Variants in RBM26 observed in about 807,000 individuals in gnomAD.
RBM26 encodes RNA-binding protein 26.
RBM26 carries 30 observed loss-of-function variants against 123.6 expected under a neutral mutation model. The ratio of observed to expected loss-of-function variants is 0.24; its 90% confidence interval spans 0.18 to 0.33. The LOEUF is 0.33. Among genes scored for constraint, RBM26 ranks in the 10% least tolerant of loss-of-function variants. The probability of loss-of-function intolerance (pLI) is 1.00; values close to 1 mark genes in which losing one functional copy is unlikely to be tolerated. For synonymous variants in RBM26, 400 were observed against 404.4 expected, an observed-to-expected ratio of 0.99 and a Z score of 0.13; for missense variants, 947 against 1,203.6, an observed-to-expected ratio of 0.79 and a Z score of 3.15.
intron 14 of RBM26, among the ~76,000 whole-genome samples, chr13:79,350,985 T>C (rs2073131615): frequency 6.6e-6 from 1 of 152,216 alleles, no homozygotes; most frequent in African/African-American, 2.4e-5. Flanking sequence ...CAAAAATATT[T>C]TTCCCCATAA....
chr13:79,370,794 T>A, intron 5 of RBM26, 151 bp downstream of exon 5: 1 of 834,268 alleles, frequency 1.2e-6, no homozygotes, highest in Admixed American at 2.9e-5. Flanking sequence ...AATAAAACTT[T>A]TAAAGGAATT....
chr13:79,334,540 T>C (rs369757717), intron 19 of RBM26, 110 bp from the exon 20 acceptor site: 3 of 528,238 alleles, frequency 5.7e-6, no homozygotes, highest in Non-Finnish European at 9.9e-6. Flanking sequence ...CCAGAATACA[T>C]AACAATTCAT....
chr13:79,390,237 G>A (rs1056819773), intron 1 of RBM26, among the ~76,000 whole-genome samples: 7 of 152,052 alleles, frequency 4.6e-5, no homozygotes, highest in African/African-American at 1.7e-4. Flanking sequence ...GTTAACTACT[G>A]TATATACCAT....
intron 8 of RBM26, 68 bp from the exon 9 acceptor site, chr13:79,365,786 TAAGAGA>T (rs11279869): frequency 0.49 from 689,706 of 1,394,372 alleles, 175,960 homozygotes; most frequent in East Asian, 0.73. Flanking sequence ...TTAATATTGA[TAAGAGA>T]AAAAGTAAAC....
intron 2 of RBM26, 131 bp from the exon 3 acceptor site, chr13:79,377,646 G>C: frequency 1.3e-6 from 1 of 742,840 alleles, no homozygotes; most frequent in Non-Finnish European, 2.1e-6. Flanking sequence ...ACTAGCACTG[G>C]CCAGGCGTGG....
intron 1 of RBM26, among the ~76,000 whole-genome samples, chr13:79,401,735 T>C (rs924483228): frequency 6.6e-6 from 1 of 152,150 alleles, no homozygotes; most frequent in African/African-American, 2.4e-5. Context: ...CAACTATAGA[T>C]GGAAATACTG....
intron 21 of RBM26, among the ~76,000 whole-genome samples, chr13:79,321,904 A>G (rs977485304): frequency 6.6e-6 from 1 of 151,386 alleles, no homozygotes; most frequent in Admixed American, 6.6e-5. Context: ...TTGATGATAG[A>G]TAGGGACCGT....
intron 9 of RBM26, among the ~76,000 whole-genome samples, chr13:79,362,096 C>T (rs2074761994): frequency 6.6e-6 from 1 of 152,082 alleles, no homozygotes; most frequent in Non-Finnish European, 1.5e-5. Context: ...TCTCATGGGC[C>T]TCAGACTTCC....
At chr13:79,344,099 T>C in intron 16 of RBM26, 149 bp downstream of exon 16, 1 of 677,390 alleles carries the variant, frequency 1.5e-6, no homozygotes, top group Non-Finnish European at 2.7e-6. Context: ...ATCTGATGTA[T>C]GCTCTTCATC....
chr13:79,352,443 C>T (rs2073375406), intron 14 of RBM26, among the ~76,000 whole-genome samples: 2 of 142,658 alleles, frequency 1.4e-5, no homozygotes, highest in African/African-American at 2.6e-5. Flanking sequence ...AAATCAAAGA[C>T]AAAGTATTTA....
At chr13:79,397,434 G>C (rs1476258250) in intron 1 of RBM26, among the ~76,000 whole-genome samples, 1 of 151,750 alleles carries the variant, frequency 6.6e-6, no homozygotes, top group Non-Finnish European at 1.5e-5. Flanking sequence ...AAGGTATATT[G>C]GGAGGTTGAG....
In RBM26 at chr13:79,378,885, G is replaced by A. The variant is rs1594552300; in HGVS notation, c.94C>T (p.Leu32=). 3 of 1,612,290 alleles carry A rather than the reference G, an allele frequency of 1.9e-6. No individual in the cohort carries two copies. The highest frequency in any genetic ancestry group is 3.3e-5 in the Admixed American group (2 of 59,784). The change falls in exon 2 of 22, where the codon CTA becomes TTA. Residue 32 remains leucine, a synonymous_variant. Transcript: ENST00000438737. ...ACCAAAGCCAGAACATATTTTGCTA[G>A]GGCGGATGGATCTGCATCACAGCTA... ...EPICDADPSA[L]AKYVLALVKK...
chr13:79,326,008 G>A (rs909332427), intron 20 of RBM26, among the ~76,000 whole-genome samples: 2 of 152,128 alleles, frequency 1.3e-5, no homozygotes, highest in African/African-American at 2.4e-5. Flanking sequence ...CCAGAGTTTC[G>A]TAGCCTAAGA....
intron 14 of RBM26, among the ~76,000 whole-genome samples, chr13:79,346,224 G>T (rs2072302266): frequency 6.6e-6 from 1 of 152,008 alleles, no homozygotes; most frequent in African/African-American, 2.4e-5. Flanking sequence ...ATCTGATTAG[G>T]GAACATCACA....
chr13:79,341,934 C>T (rs960671687), intron 17 of RBM26, among the ~76,000 whole-genome samples: 4 of 151,604 alleles, frequency 2.6e-5, no homozygotes, highest in African/African-American at 7.3e-5. Context: ...TGGAATACAC[C>T]GAGGCTGTAA....
At chr13:79,333,564 T>C (rs12871015) in intron 20 of RBM26, among the ~76,000 whole-genome samples, 69,772 of 152,078 alleles carry the variant, frequency 0.46, 16,967 homozygotes, top group East Asian at 0.72. Context: ...ATTGCTTTCA[T>C]TTGGAAAACT....
downstream of RBM26, chr13:79,318,685 T>C: frequency 1.8e-6 from 1 of 545,150 alleles, no homozygotes; most frequent in Non-Finnish European, 2.3e-6. Context: ...AAACAGAATA[T>C]GTATTTTCAG....
In RBM26 at chr13:79,400,386, T is replaced by C. The variant is rs1017583789; in HGVS notation, c.71+5318A>G. On this transcript the variant is annotated intron_variant, in intron 1 of 21. Transcript: ENST00000438737. ...ACTGCATCCTCCGGAGTTCCTCCCA[T>C]GGCAGAAGTCAGAGGTCTCCCATAG... is the stretch of plus-strand genomic sequence containing the variant. Among the ~76,000 whole-genome samples, 28 of 152,154 alleles carry C rather than the reference T, an allele frequency of 1.8e-4. No individual in the cohort carries two copies. In the Middle Eastern group the frequency reaches 0.014, roughly 74 times the overall value.
chr13:79,392,888 G>A (rs1010709495), intron 1 of RBM26, among the ~76,000 whole-genome samples: 1 of 152,032 alleles, frequency 6.6e-6, no homozygotes, highest in East Asian at 1.9e-4. Flanking sequence ...TCTCATTCCT[G>A]GTGGAAAGTC....
Sources: gnomAD v4.1 joint callset for allele counts (sites outside exome capture counted in the v4.1 genomes callset) on GRCh38, gnomAD v4.1.1 for gene constraint, MANE v1.5 for transcripts, NCBI Gene and HGNC (gene_info 2026-07-23, HGNC 2026-07-21) for gene names.